The following NAALADL2 variants were observed in gnomAD, a reference collection of about 807,000 sequenced individuals.
The protein encoded by NAALADL2 is N-acetylated alpha-linked acidic dipeptidase like 2, also known as inactive N-acetylated-alpha-linked acidic dipeptidase-like protein 2.
A neutral mutation model predicts 87.2 loss-of-function variants in NAALADL2; 76 were observed. The observed-to-expected ratio is 0.87, with a 90% CI of 0.72 to 1.05. The LOEUF is 1.05. Ranked by LOEUF, NAALADL2 falls within the 50% of genes least tolerant of loss-of-function variation. NAALADL2 has a pLI of 0.00. For missense variants in NAALADL2, 1,089 were observed against 945.8 expected (o/e 1.15, Z -1.99); for synonymous variants, 354 against 331.0 (o/e 1.07, Z -0.75).
intron 1 of NAALADL2, among the ~76,000 whole-genome samples, chr3:175,016,798 A>G (rs1019425540): frequency 1.3e-5 from 2 of 152,058 alleles, no homozygotes; most frequent in African/African-American, 4.8e-5. Flanking sequence ...TTATTGATAC[A>G]TAATAAATGC....
At chr3:175,346,757 G>A (rs1439248831) in intron 5 of NAALADL2, among the ~76,000 whole-genome samples, 1 of 152,118 alleles carries the variant, frequency 6.6e-6, no homozygotes, top group African/African-American at 2.4e-5. Context: ...AGGTCGAGAG[G>A]GTTAAACGAC....
intron 1 of NAALADL2, among the ~76,000 whole-genome samples, chr3:174,948,291 C>G (rs1186622717): frequency 6.6e-6 from 1 of 152,122 alleles, no homozygotes; most frequent in Non-Finnish European, 1.5e-5. Flanking sequence ...GTTCTCTTGC[C>G]TCAGCCTCCC....
chr3:174,925,342 T>G (rs1218160857), intron 1 of NAALADL2, among the ~76,000 whole-genome samples: 2 of 152,180 alleles, frequency 1.3e-5, no homozygotes, highest in African/African-American at 2.4e-5. Flanking sequence ...TTTCCCCATT[T>G]CTTGTTTTTG....
At position 175,524,118 on chromosome 3, in the gene NAALADL2, A is replaced by G. The variant is rs974323765; in HGVS notation, c.1654-51923A>G. Among the ~76,000 whole-genome samples, 20 of 152,284 alleles carry G rather than the reference A, an allele frequency of 1.3e-4. 1 individual carries two copies. The highest frequency in any genetic ancestry group is 8.5e-4 in the Admixed American group (13 of 15,288). On this transcript the variant is annotated intron_variant, in intron 9 of 13. Transcript: ENST00000454872. ...CACACAGGCTTTGTCTTATATACCCACAGGTTTTCTTAGGAAAATCTACGA... is the reference window on the plus strand; with the variant it reads ...CACACAGGCTTTGTCTTATATACCCGCAGGTTTTCTTAGGAAAATCTACGA...
chr3:175,016,037 A>G lies in NAALADL2; in HGVS notation c.44-80753A>G, dbSNP rs1210710783. 2.6e-5 allele frequency among the ~76,000 whole-genome samples: 4 copies of G among 151,736 alleles called. No individual in the cohort carries two copies. In the East Asian group the frequency reaches 7.7e-4, roughly 29 times the overall value. On this transcript the variant is annotated intron_variant, in intron 1 of 13. Transcript: ENST00000454872. ...ATCCCTCATTTTCAGGAACTCATCT[A>G]CATTTTAGAGAGGGGAAACATTGAT... is the stretch of plus-strand genomic sequence containing the variant.
At chr3:175,151,605 G>A (rs997344533) in intron 2 of NAALADL2, among the ~76,000 whole-genome samples, 2 of 152,014 alleles carry the variant, frequency 1.3e-5, no homozygotes, top group African/African-American at 4.8e-5. Context: ...CTCTTCAGCT[G>A]AGCATCATAG....
chr3:175,282,157 A>C (rs1754394828), intron 4 of NAALADL2, among the ~76,000 whole-genome samples: 1 of 152,104 alleles, frequency 6.6e-6, no homozygotes, highest in Admixed American at 6.6e-5. Context: ...ATGAATAAAT[A>C]AATGAAAAGA....
intron 5 of NAALADL2, among the ~76,000 whole-genome samples, chr3:175,375,517 T>G (rs1261471543): frequency 6.6e-6 from 1 of 152,150 alleles, no homozygotes; most frequent in Non-Finnish European, 1.5e-5. Flanking sequence ...TTTAAGTTTG[T>G]TATATATTCT....
At chr3:174,902,080 A>AAT (rs1732383512) in intron 1 of NAALADL2, among the ~76,000 whole-genome samples, 1 of 152,146 alleles carries the variant, frequency 6.6e-6, no homozygotes, top group African/African-American at 2.4e-5. Context: ...AGGTGGTCTG[A>AAT]TGCAGGGCAT....
intron 10 of NAALADL2, among the ~76,000 whole-genome samples, chr3:175,594,180 T>TC (rs1721929468): frequency 6.6e-6 from 1 of 152,110 alleles, no homozygotes. Flanking sequence ...CCTCAGTGTC[T>TC]ATTGTTCCCA....
intron 1 of NAALADL2, among the ~76,000 whole-genome samples, chr3:175,029,418 G>A (rs1178779560): frequency 6.6e-6 from 1 of 151,940 alleles, no homozygotes; most frequent in Non-Finnish European, 1.5e-5. Context: ...CACCAGGCAA[G>A]GTTTACTAAA....
At chr3:175,437,750 G>A (rs913096241) in intron 5 of NAALADL2, among the ~76,000 whole-genome samples, 9 of 152,094 alleles carry the variant, frequency 5.9e-5, no homozygotes, top group Middle Eastern at 3.4e-3. Context: ...TACCAAAACA[G>A]AGATATAGAT....
Position 175,330,228 on chromosome 3 carries a change from A to T in NAALADL2, c.1090+5903A>T, listed in dbSNP as rs529008918. On this transcript the variant is annotated intron_variant, in intron 5 of 13. Coordinates refer to ENST00000454872, the MANE Select transcript of NAALADL2 (RefSeq NM_207015.3). Reference sequence around the variant, plus strand: ...TAGAAGCTATTGAAACAACGATATGATTAGTTTAAAAATTTTGTAGCACTT... The same window carrying T: ...TAGAAGCTATTGAAACAACGATATGTTTAGTTTAAAAATTTTGTAGCACTT... Among the ~76,000 whole-genome samples, 9 of 152,316 alleles carry T rather than the reference A, an allele frequency of 5.9e-5. No individual in the cohort carries two copies. In the South Asian group the frequency reaches 1.9e-3, roughly 32 times the overall value.
At chr3:175,496,150 A>T (rs1260790328) in intron 9 of NAALADL2, among the ~76,000 whole-genome samples, 2 of 152,120 alleles carry the variant, frequency 1.3e-5, no homozygotes, top group Non-Finnish European at 2.9e-5. Context: ...TTAAAACAAG[A>T]TACAATGTAT....
chr3:174,715,285 G>T lies in NAALADL2; in HGVS notation c.-114-22356G>T, dbSNP rs188884143. On this transcript the variant is annotated intron_variant, in intron 2 of 3. Transcript: ENST00000434257. ...TTTTACAACCAGTTTATTTTAGCAG[G>T]TTCATCAGAGGTTATATTGCATAAG... Among the ~76,000 whole-genome samples, 6 of 152,156 alleles carry T rather than the reference G, an allele frequency of 3.9e-5. No individual in the cohort carries two copies. The East Asian group carries it at 1.2e-3, about 29-fold the overall frequency.
At chr3:174,854,645 T>C (rs965438348), upstream of NAALADL2, among the ~76,000 whole-genome samples, 8 of 152,078 alleles carry the variant, frequency 5.3e-5, no homozygotes, top group Non-Finnish European at 1.2e-4. Context: ...TTTTACCACA[T>C]ACATAGGTAC....
At chr3:175,626,171 CTT>C (rs1726954975) in intron 10 of NAALADL2, among the ~76,000 whole-genome samples, 3 of 151,818 alleles carry the variant, frequency 2.0e-5, no homozygotes, top group African/African-American at 7.3e-5. Context: ...ATTTCAGTGT[CTT>C]TGTTTCTATT....
chr3:174,803,070 G>T (rs962313878), intron 3 of NAALADL2, among the ~76,000 whole-genome samples: 1 of 152,164 alleles, frequency 6.6e-6, no homozygotes, highest in East Asian at 1.9e-4. Flanking sequence ...TTCCACAATG[G>T]TTGAACTACT....
chr3:175,248,110 G>T (rs192518678), intron 3 of NAALADL2, among the ~76,000 whole-genome samples: 1 of 152,092 alleles, frequency 6.6e-6, no homozygotes. Context: ...GCAAAGAATC[G>T]ATAACAATGT....
Sources: gnomAD v4.1 joint callset for allele counts (sites outside exome capture counted in the v4.1 genomes callset) on GRCh38, gnomAD v4.1.1 for gene constraint, MANE v1.5 for transcripts, NCBI Gene and HGNC (gene_info 2026-07-23, HGNC 2026-07-21) for gene names.